ZMYND8: variants seen among roughly 807,000 people sequenced by gnomAD.
ZMYND8 encodes zinc finger MYND-type containing 8.
Under a neutral mutation model 140.8 loss-of-function variants are expected in ZMYND8, and 37 were observed. The ratio of observed to expected loss-of-function variants is 0.26; its 90% CI spans 0.20 to 0.35. ZMYND8 has a LOEUF of 0.35. ZMYND8 is among the 10% of genes least tolerant of loss of function. The pLI is 1.00. For synonymous variants in ZMYND8, 592 were observed against 597.1 expected (o/e 0.99, Z 0.12); for missense variants, 1,068 against 1,570.0 (o/e 0.68, Z 5.40).
chr20:47,258,861 C>T lies in ZMYND8; in HGVS notation c.1621+3427G>A, dbSNP rs547715654. Among the ~76,000 whole-genome samples the T allele has an allele frequency of 8.5e-5, 13 of 152,226 alleles. No homozygotes were observed. The East Asian group carries it at 1.9e-3, about 23-fold the overall frequency. ...ATCGGTCCCTAGCTGATCCTCTTCC[C>T]GTTAGGTCATTGCAATCCCAGCCCA... On this transcript the variant is annotated intron_variant, in intron 12 of 22. Coordinates refer to ENST00000471951, the MANE Select transcript of ZMYND8 (RefSeq NM_001281775.3).
chr20:47,258,402 A>G (rs1013904090), intron 12 of ZMYND8, among the ~76,000 whole-genome samples: 6 of 152,254 alleles, frequency 3.9e-5, no homozygotes, highest in African/African-American at 1.4e-4. Flanking sequence ...TAATTTTTAA[A>G]AAGTTTTAAT....
At chr20:47,240,289 C>T (rs1483647976) in intron 14 of ZMYND8, among the ~76,000 whole-genome samples, 1 of 151,890 alleles carries the variant, frequency 6.6e-6, no homozygotes, top group Non-Finnish European at 1.5e-5. Flanking sequence ...CTGAGGTGGG[C>T]GGATCACTTG....
At position 47,310,078 on chromosome 20, in the gene ZMYND8, A is replaced by T. The variant is rs770808944; in HGVS notation, c.212T>A (p.Leu71Gln). 1 of 1,614,186 alleles carries T rather than the reference A, an allele frequency of 6.2e-7. No homozygotes were observed. Among genetic ancestry groups the T allele is most frequent in the South Asian group, 1.1e-5 (1 of 91,086 alleles). The change falls in exon 3 of 23, where the codon CTG becomes CAG. Residue 71 changes from leucine (L) to glutamine (Q), a missense_variant. Coordinates refer to ENST00000471951, the MANE Select transcript of ZMYND8 (RefSeq NM_001281775.3). Reference sequence around the variant, plus strand: ...TACCTGCTCCTTATTGTTACTGTTCAGTAAGCCAGGTTTCTTTTTCTTTTT... The same window carrying T: ...TACCTGCTCCTTATTGTTACTGTTCTGTAAGCCAGGTTTCTTTTTCTTTTT... ...PIKKKKKPGL[L>Q]NSNNKEQSEL... is the part of the protein sequence containing the mutation.
At chr20:47,255,596 A>G (rs138765577) in intron 12 of ZMYND8, among the ~76,000 whole-genome samples, 2,398 of 129,028 alleles carry the variant, frequency 0.019, 19 homozygotes, top group Non-Finnish European at 0.028. Flanking sequence ...GTGTGTGTGT[A>G]TATATATATA....
chr20:47,317,436 C>T (rs1410531889), intron 2 of ZMYND8, among the ~76,000 whole-genome samples: 1 of 151,338 alleles, frequency 6.6e-6, no homozygotes, highest in Non-Finnish European at 1.5e-5. Context: ...GCCTGAGTCA[C>T]AGCACATGCC....
intron 7 of ZMYND8, among the ~76,000 whole-genome samples, chr20:47,289,481 C>T (rs1297230259): frequency 6.6e-6 from 1 of 152,142 alleles, no homozygotes; most frequent in African/African-American, 2.4e-5. Context: ...AAAGAAAAAC[C>T]TATGTCCATG....
intron 8 of ZMYND8, among the ~76,000 whole-genome samples, chr20:47,286,093 G>T (rs1419292387): frequency 6.6e-6 from 1 of 151,736 alleles, no homozygotes; most frequent in Non-Finnish European, 1.5e-5. Context: ...GGGTGTGATG[G>T]TGCACCCAGT....
At chr20:47,283,907 T>G (rs1025969531) in intron 8 of ZMYND8, among the ~76,000 whole-genome samples, 1 of 151,624 alleles carries the variant, frequency 6.6e-6, no homozygotes, top group African/African-American at 2.4e-5. Context: ...AGACATTCCC[T>G]GCAGAGCAGC....
intron 8 of ZMYND8, among the ~76,000 whole-genome samples, chr20:47,287,009 C>T (rs933035627): frequency 6.6e-6 from 1 of 152,190 alleles, no homozygotes; most frequent in Non-Finnish European, 1.5e-5. Flanking sequence ...AACAAAAAAT[C>T]CTTTCCATCT....
intron 12 of ZMYND8, among the ~76,000 whole-genome samples, chr20:47,249,905 T>C (rs1468117309): frequency 1.3e-5 from 2 of 151,832 alleles, no homozygotes; most frequent in African/African-American, 4.8e-5. Context: ...CCCTGATAAT[T>C]GGGGGCCCTA....
chr20:47,346,022 GAGAA>G (rs1204596148), intron 2 of ZMYND8, among the ~76,000 whole-genome samples: 1 of 152,148 alleles, frequency 6.6e-6, no homozygotes, highest in Non-Finnish European at 1.5e-5. Flanking sequence ...GGAGAAAAGA[GAGAA>G]AGAGACAATG....
intron 2 of ZMYND8, among the ~76,000 whole-genome samples, chr20:47,335,518 ACT>A (rs911587131): frequency 1.3e-5 from 2 of 152,144 alleles, no homozygotes; most frequent in African/African-American, 4.8e-5. Context: ...AGGAATGACG[ACT>A]TTAATAAGGC....
intron 1 of ZMYND8, chr20:47,352,110 C>T (rs1602197634): frequency 5.8e-6 from 4 of 686,082 alleles, no homozygotes; most frequent in Non-Finnish European, 5.4e-6. Flanking sequence ...AAACTGCAGA[C>T]GGACAGGTGT....
At chr20:47,262,037 C>T (rs573503354) in intron 12 of ZMYND8, among the ~76,000 whole-genome samples, 8 of 151,914 alleles carry the variant, frequency 5.3e-5, no homozygotes, top group Non-Finnish European at 8.8e-5. Context: ...CACCCTTGCA[C>T]TCCAGCCTGG....
intron 12 of ZMYND8, among the ~76,000 whole-genome samples, chr20:47,261,550 TATCATC>T (rs10563094): frequency 0.31 from 36,329 of 118,478 alleles, 4,996 homozygotes; most frequent in African/African-American, 0.41. Context: ...AAAAAACAGT[TATCATC>T]ATCATCATCA....
At chr20:47,241,294 CAAAAAAAA>C (rs11476591) in intron 14 of ZMYND8, among the ~76,000 whole-genome samples, 5 of 62,034 alleles carry the variant, frequency 8.1e-5, no homozygotes, top group African/African-American at 2.4e-4. Flanking sequence ...GACTCCGTCT[CAAAAAAAA>C]AAAAAAAAAA....
At chr20:47,310,609 A>G (rs745943346) in intron 2 of ZMYND8, among the ~76,000 whole-genome samples, 2 of 151,960 alleles carry the variant, frequency 1.3e-5, no homozygotes, top group Non-Finnish European at 2.9e-5. Flanking sequence ...CAGCCTGGCC[A>G]ATACCGTCTC....
At chr20:47,242,161 A>G (rs138669922) in intron 14 of ZMYND8, among the ~76,000 whole-genome samples, 2 of 152,180 alleles carry the variant, frequency 1.3e-5, no homozygotes, top group African/African-American at 2.4e-5. Flanking sequence ...AAAAGACATG[A>G]GCCTGATTAC....
chr20:47,223,091 C>T, intron 19 of ZMYND8, among the ~76,000 whole-genome samples: 1 of 152,238 alleles, frequency 6.6e-6, no homozygotes, highest in South Asian at 2.1e-4. Context: ...TTTTGCCAAT[C>T]CGCAGACATA....
Sources: gnomAD v4.1 joint callset for allele counts (sites outside exome capture counted in the v4.1 genomes callset) on GRCh38, gnomAD v4.1.1 for gene constraint, MANE v1.5 for transcripts, NCBI Gene and HGNC (gene_info 2026-07-23, HGNC 2026-07-21) for gene names.